The following ZNF385D variants were observed in gnomAD, a reference collection of about 807,000 sequenced individuals.
ZNF385D encodes the protein zinc finger protein 385D.
Under a neutral mutation model 35.8 loss-of-function variants are expected in ZNF385D, and 15 were observed. The observed-to-expected ratio is 0.42, with a 90% CI of 0.28 to 0.64. The LOEUF (loss-of-function observed/expected upper bound fraction) is 0.64, where lower values mean the gene tolerates loss of function less well. ZNF385D is among the 30% of genes least tolerant of loss of function. The pLI is 0.23. For synonymous variants in ZNF385D, 212 were observed against 186.8 expected, an observed-to-expected ratio of 1.13 and a Z score of -1.10; for missense variants, 474 against 494.6, an observed-to-expected ratio of 0.96 and a Z score of 0.39.
At chr3:22,300,059 A>C (rs76390271) in intron 2 of ZNF385D, among the ~76,000 whole-genome samples, 4,622 of 152,074 alleles carry the variant, frequency 0.03, 247 homozygotes, top group African/African-American at 0.1. Context: ...TTTAAAATAT[A>C]CTATAAAGCT....
intron 3 of ZNF385D, among the ~76,000 whole-genome samples, chr3:22,006,392 G>A (rs1696205430): frequency 6.6e-6 from 1 of 152,100 alleles, no homozygotes; most frequent in Non-Finnish European, 1.5e-5. Context: ...AATTAGAAAT[G>A]TTCATGACAC....
At chr3:21,848,626 G>T (rs1696171027) in intron 3 of ZNF385D, among the ~76,000 whole-genome samples, 1 of 151,804 alleles carries the variant, frequency 6.6e-6, no homozygotes. Context: ...CAACAAATTG[G>T]ACAATCTAAA....
chr3:22,327,547 G>A (rs981819454), intron 2 of ZNF385D, among the ~76,000 whole-genome samples: 7 of 152,162 alleles, frequency 4.6e-5, no homozygotes, highest in South Asian at 2.1e-4. Context: ...GCATCGTTTC[G>A]GGAAGTCCAA....
At chr3:22,126,550 A>C (rs1703442127) in intron 3 of ZNF385D, among the ~76,000 whole-genome samples, 1 of 151,824 alleles carries the variant, frequency 6.6e-6, no homozygotes, top group African/African-American at 2.4e-5. Context: ...AAGATATTTG[A>C]TATTATTTCA....
chr3:22,371,758 G>C (rs1696916444), intron 2 of ZNF385D, among the ~76,000 whole-genome samples: 1 of 152,156 alleles, frequency 6.6e-6, no homozygotes, highest in African/African-American at 2.4e-5. Context: ...AGAGGCACTA[G>C]CTGGCCAAGA....
chr3:21,496,453 T>G lies in ZNF385D; in HGVS notation c.439+14408A>C, dbSNP rs190094932. ...ATATACATATATATACACACATATT[T>G]GATATATATATCATATATATACATA... On this transcript the variant is annotated intron_variant, in intron 4 of 7. Transcript: ENST00000281523. 3.4e-3 allele frequency among the ~76,000 whole-genome samples: 420 copies of G among 123,156 alleles called. 2 individuals carry two copies. The highest frequency in any genetic ancestry group is 5.6e-3 in the Non-Finnish European group (328 of 59,062). The allele number at this position is 123,156 out of a possible 152,430, so 80.8% of individuals were successfully genotyped here.
chr3:21,935,349 C>T (rs1032025982), intron 3 of ZNF385D, among the ~76,000 whole-genome samples: 3 of 152,096 alleles, frequency 2.0e-5, no homozygotes, highest in East Asian at 1.9e-4. Context: ...CACTGTGGTA[C>T]GTGCCTTATT....
intron 3 of ZNF385D, among the ~76,000 whole-genome samples, chr3:22,144,932 G>C (rs1477339801): frequency 6.6e-6 from 1 of 151,924 alleles, no homozygotes; most frequent in African/African-American, 2.4e-5. Context: ...AAAATATTTA[G>C]ACATGTAACA....
At chr3:22,125,914 T>A (rs889351586) in intron 3 of ZNF385D, among the ~76,000 whole-genome samples, 1 of 152,130 alleles carries the variant, frequency 6.6e-6, no homozygotes, top group Non-Finnish European at 1.5e-5. Context: ...TTCTTTCTCT[T>A]CCCTGATTCA....
intron 2 of ZNF385D, among the ~76,000 whole-genome samples, chr3:22,213,804 C>G (rs1697678001): frequency 6.6e-6 from 1 of 152,058 alleles, no homozygotes; most frequent in Non-Finnish European, 1.5e-5. Context: ...TAACCATCAA[C>G]TAAAATCATA....
intron 2 of ZNF385D, among the ~76,000 whole-genome samples, chr3:22,356,578 C>T (rs1463496027): frequency 1.3e-5 from 2 of 151,876 alleles, no homozygotes; most frequent in Non-Finnish European, 2.9e-5. Flanking sequence ...ATCTTTACAG[C>T]TAAGATTTCA....
intron 3 of ZNF385D, among the ~76,000 whole-genome samples, chr3:21,978,983 T>G (rs1425427546): frequency 1.3e-5 from 2 of 152,188 alleles, no homozygotes; most frequent in Non-Finnish European, 2.9e-5. Flanking sequence ...GAAAGCTTAT[T>G]TGCTCAGTAT....
chr3:22,233,103 T>C (rs1265835999), intron 2 of ZNF385D, among the ~76,000 whole-genome samples: 1 of 152,136 alleles, frequency 6.6e-6, no homozygotes, highest in Non-Finnish European at 1.5e-5. Flanking sequence ...GTATACTCCG[T>C]TTCTCTATTG....
At chr3:22,082,606 C>T (rs1258555978) in intron 3 of ZNF385D, among the ~76,000 whole-genome samples, 2 of 152,224 alleles carry the variant, frequency 1.3e-5, no homozygotes, top group African/African-American at 4.8e-5. Context: ...CCTCTGCAGA[C>T]TCCACCTCTA....
At chr3:22,011,943 T>G (rs1696599471) in intron 3 of ZNF385D, among the ~76,000 whole-genome samples, 1 of 152,166 alleles carries the variant, frequency 6.6e-6, no homozygotes, top group Admixed American at 6.5e-5. Flanking sequence ...GCAACAGGTT[T>G]TCTTCTTCCC....
chr3:21,525,808 G>C (rs1377783376), intron 3 of ZNF385D, among the ~76,000 whole-genome samples: 2 of 151,468 alleles, frequency 1.3e-5, no homozygotes, highest in Admixed American at 6.6e-5. Context: ...CATGGTCAAA[G>C]CTAGTTAAAA....
intron 3 of ZNF385D, among the ~76,000 whole-genome samples, chr3:22,018,728 T>C (rs1346391679): frequency 1.3e-5 from 2 of 152,044 alleles, no homozygotes; most frequent in Non-Finnish European, 2.9e-5. Context: ...TGGATTGTTT[T>C]TAGCTTGGGT....
At chr3:21,968,223 C>T (rs1295822511) in intron 3 of ZNF385D, among the ~76,000 whole-genome samples, 2 of 152,072 alleles carry the variant, frequency 1.3e-5, no homozygotes, top group Non-Finnish European at 2.9e-5. Context: ...TTAGACCAGC[C>T]GTAGCCAGAG....
intron 3 of ZNF385D, among the ~76,000 whole-genome samples, chr3:22,081,164 A>C (rs1226734076): frequency 2.6e-5 from 4 of 152,214 alleles, no homozygotes; most frequent in Non-Finnish European, 5.9e-5. Context: ...ATAAATGTTC[A>C]ATCTATGATT....
Sources: gnomAD v4.1 joint callset for allele counts (sites outside exome capture counted in the v4.1 genomes callset) on GRCh38, gnomAD v4.1.1 for gene constraint, MANE v1.5 for transcripts, NCBI Gene and HGNC (gene_info 2026-07-23, HGNC 2026-07-21) for gene names.